Variants in NAA50 observed in about 807,000 individuals in gnomAD.
The protein encoded by NAA50 is N-alpha-acetyltransferase 50, NatE catalytic subunit.
NAA50 carries 7 observed loss-of-function variants against 20.7 expected under a neutral mutation model. The ratio of observed to expected loss-of-function variants is 0.34; its 90% CI spans 0.19 to 0.63. The LOEUF is 0.63. NAA50 is among the 30% of genes least tolerant of loss of function. NAA50 has a pLI of 0.75. For synonymous variants in NAA50, 54 were observed against 70.6 expected (o/e 0.77, Z 1.18); for missense variants, 111 against 199.1 (o/e 0.56, Z 2.66).
At chr3:113,731,581 T>C (rs1708274157) in intron 1 of NAA50, among the ~76,000 whole-genome samples, 1 of 152,174 alleles carries the variant, frequency 6.6e-6, no homozygotes, top group Admixed American at 6.5e-5. Flanking sequence ...TTTTGGAACA[T>C]TCTCATTACA....
Position 113,720,623 on chromosome 3 carries a change from C to A in NAA50, c.*1137G>T, listed in dbSNP as rs1708123749. 2 of 152,604 alleles carry A rather than the reference C, an allele frequency of 1.3e-5. No homozygotes were observed. Among genetic ancestry groups the A allele is most frequent in the South Asian group, 4.1e-4 (2 of 4,832 alleles). The allele number at this position is 152,604 out of a possible 1,614,324, so 9.5% of individuals were successfully genotyped here. A position where few individuals can be genotyped will look rare whatever the true frequency, so the allele number is the denominator to read the frequency against. On this transcript the variant is annotated 3_prime_UTR_variant, in exon 5 of 5. Transcript: ENST00000240922. ...TGCCTCAAATCCTTAAACTCAATAT[C>A]ACAGGCACTGAGTATAAGCAAATCT...
At chr3:113,728,665 A>G (rs1708231564) in intron 1 of NAA50, among the ~76,000 whole-genome samples, 1 of 152,182 alleles carries the variant, frequency 6.6e-6, no homozygotes, top group Non-Finnish European at 1.5e-5. Flanking sequence ...GCATTTGGTT[A>G]TCTTCTCTAT....
rs577026905 is a variant in NAA50 at position 113,731,423 on chromosome 3, G to T, written c.9-7328C>A. On this transcript the variant is annotated intron_variant, in intron 1 of 4. Transcript: ENST00000240922. ...CTAGACATTTTACATTTAGGTGTAT[G>T]AACTCCCTCTTTCTTAAATCCCCCT... 3.3e-5 allele frequency among the ~76,000 whole-genome samples: 5 copies of T among 152,232 alleles called. No individual in the cohort carries two copies. The South Asian group carries it at 8.3e-4, about 25-fold the overall frequency.
At chr3:113,727,323 A>G (rs1202928155) in intron 1 of NAA50, among the ~76,000 whole-genome samples, 5 of 152,238 alleles carry the variant, frequency 3.3e-5, no homozygotes, top group South Asian at 2.1e-4. Context: ...AAGAACCTAC[A>G]AAGTCAAGCT....
intron 1 of NAA50, chr3:113,741,272 A>G: frequency 2.6e-6 from 1 of 386,466 alleles, no homozygotes. Flanking sequence ...GGGAAATGGC[A>G]ACTGTGCCAC....
chr3:113,727,072 G>A (rs114386263), intron 1 of NAA50, among the ~76,000 whole-genome samples: 2 of 152,190 alleles, frequency 1.3e-5, no homozygotes, highest in South Asian at 2.1e-4. Context: ...GCCTACAGGC[G>A]TGAGCCACTG....
At position 113,721,954 on chromosome 3, in the gene NAA50, T is replaced by C. The variant is rs780689110; in HGVS notation, c.333-17A>G. On this transcript the variant is annotated splice_polypyrimidine_tract_variant and intron_variant, in intron 4 of 4. Coordinates refer to ENST00000240922, the MANE Select transcript of NAA50 (RefSeq NM_025146.4). ...TGGACATGCCTGAGATATAAGAGAGTATCAGAAAAAAAATTAAAATTAAGG... is the reference window on the plus strand; with the variant it reads ...TGGACATGCCTGAGATATAAGAGAGCATCAGAAAAAAAATTAAAATTAAGG... The C allele has an allele frequency of 5.7e-6, 9 of 1,588,868 alleles. 1 individual carries two copies. The highest frequency in any genetic ancestry group is 4.6e-5 in the South Asian group (4 of 87,610).
rs1344569585 is a variant in NAA50, at chr3:113,744,286, A to G, written c.8+1656T>C. 8.6e-5 allele frequency among the ~76,000 whole-genome samples: 13 copies of G among 151,856 alleles called. No individual in the cohort carries two copies. The East Asian group carries it at 2.5e-3, about 29-fold the overall frequency. On this transcript the variant is annotated intron_variant, in intron 1 of 4. Coordinates refer to ENST00000240922, the MANE Select transcript of NAA50 (RefSeq NM_025146.4). ...AGACCAGCCTGGCCAACATAGTCAG[A>G]CCCCCGTCTCTACAAAATATACAAA... is the stretch of plus-strand genomic sequence containing the variant.
At chr3:113,728,789 T>C (rs1157707543) in intron 1 of NAA50, among the ~76,000 whole-genome samples, 2 of 152,188 alleles carry the variant, frequency 1.3e-5, no homozygotes, top group Non-Finnish European at 2.9e-5. Flanking sequence ...CATTCCTAGA[T>C]CCAAGCAATC....
intron 1 of NAA50, among the ~76,000 whole-genome samples, chr3:113,728,368 G>GTTTA (rs553365630): frequency 1.2e-4 from 18 of 152,270 alleles, no homozygotes; most frequent in East Asian, 9.6e-4. Flanking sequence ...ATGCAAAGGT[G>GTTTA]TTTACATCTG....
chr3:113,723,972 C>T lies in NAA50; in HGVS notation c.132G>A (p.Glu44=), dbSNP rs1263158263. 1 of 1,583,612 alleles carries T rather than the reference C, an allele frequency of 6.3e-7. No homozygotes were observed. The highest frequency in any genetic ancestry group is 8.6e-7 in the Non-Finnish European group (1 of 1,168,428). ...KFYKDVLEVG[E]LAKLAYFNDI... is the part of the protein sequence containing the mutation. ...ACTATATTATACCAAGTTTTGCTAG[C>T]TCGCCAACCTCCAGCACATCCTTGT... Residue 44 remains glutamate (E), a synonymous_variant, in exon 2 of 5, where the codon GAG becomes GAA. Coordinates refer to ENST00000240922, the MANE Select transcript of NAA50 (RefSeq NM_025146.4).
chr3:113,723,667 A>G (rs1031481441), intron 2 of NAA50, 126 bp from the exon 3 acceptor site: 16 of 1,157,832 alleles, frequency 1.4e-5, no homozygotes, highest in African/African-American at 1.5e-5. Flanking sequence ...ATGAATATCA[A>G]TGATCTCAAA....
In NAA50 at chr3:113,724,140, T is replaced by C. The variant is rs369860657; in HGVS notation, c.9-45A>G. Reference sequence around the variant, plus strand: ...ACTCAATAAAACATAATTAGCCCCATTTGTTAATATGAACATATGAAAGGG... The same window carrying C: ...ACTCAATAAAACATAATTAGCCCCACTTGTTAATATGAACATATGAAAGGG... On this transcript the variant is annotated intron_variant, in intron 1 of 4. Transcript: ENST00000240922. 4.8e-4 allele frequency: 693 copies of C among 1,457,256 alleles called. 1 individual carries two copies. The highest frequency in any genetic ancestry group is 6.0e-4 in the Non-Finnish European group (660 of 1,093,512). The allele number at this position is 1,457,256 out of a possible 1,614,324, so 90.3% of individuals were successfully genotyped here. A position where few individuals can be genotyped will look rare whatever the true frequency, so the allele number is the denominator to read the frequency against.
rs534606203 is a variant in NAA50, at chr3:113,725,855, A to G, written c.9-1760T>C. 2.0e-5 allele frequency among the ~76,000 whole-genome samples: 3 copies of G among 152,352 alleles called. No individual in the cohort carries two copies. In the South Asian group the frequency reaches 6.2e-4, roughly 32 times the overall value. On this transcript the variant is annotated intron_variant, in intron 1 of 4. Coordinates refer to ENST00000240922, the MANE Select transcript of NAA50 (RefSeq NM_025146.4). ...GGAATATGATGTAATATTTTATCTTATAGTACAAAGTTCTCTAAGATGTAT... is the reference window on the plus strand; with the variant it reads ...GGAATATGATGTAATATTTTATCTTGTAGTACAAAGTTCTCTAAGATGTAT...
chr3:113,731,494 C>T (rs1442407265), intron 1 of NAA50, among the ~76,000 whole-genome samples: 1 of 147,698 alleles, frequency 6.8e-6, no homozygotes, highest in Admixed American at 6.7e-5. Flanking sequence ...AATTTATATA[C>T]CATAAAAGCC....
At position 113,724,063 on chromosome 3, in the gene NAA50, T is replaced by C; in HGVS notation, c.41A>G (p.His14Arg). 1 of 1,601,830 alleles carries C rather than the reference T, an allele frequency of 6.2e-7. No individual in the cohort carries two copies. The highest frequency in any genetic ancestry group is 8.5e-7 in the Non-Finnish European group (1 of 1,174,134). The change falls in exon 2 of 5, where the codon CAC (histidine) becomes CGC (arginine). Residue 14 changes from histidine (H) to arginine (R), a missense_variant. Physicochemically the swap from His to Arg is conservative, Grantham distance 29. Coordinates refer to ENST00000240922, the MANE Select transcript of NAA50 (RefSeq NM_025146.4). The stretch of plus-strand genomic sequence containing the variant: ...CAATCTTTTCAACTGTTTAATATTG[T>C]GTGGTGTCACATCTCCCAGCTCGAT... ...SRIELGDVTP[H>R]NIKQLKRLNQ...
rs765612399 is a variant in NAA50, at chr3:113,721,944, T to C, written c.333-7A>G. The stretch of plus-strand genomic sequence containing the variant: ...ATTGCTGATCTGGACATGCCTGAGA[T>C]ATAAGAGAGTATCAGAAAAAAAATT... On this transcript the variant is annotated splice_region_variant and splice_polypyrimidine_tract_variant and intron_variant, in intron 4 of 4. Coordinates refer to ENST00000240922, the MANE Select transcript of NAA50 (RefSeq NM_025146.4). 34 of 1,596,962 alleles carry C rather than the reference T, an allele frequency of 2.1e-5. No homozygotes were observed. Among genetic ancestry groups the C allele is most frequent in the African/African-American group, 6.8e-5 (5 of 73,276 alleles).
chr3:113,721,576 A>T lies in NAA50; in HGVS notation c.*184T>A, dbSNP rs539248152. ...AAAAATAAGAGAAAACAATTCAAAC[A>T]TGATTATTTTTTTAAAGTCCTTGAA... On this transcript the variant is annotated 3_prime_UTR_variant, in exon 5 of 5. Coordinates refer to ENST00000240922, the MANE Select transcript of NAA50 (RefSeq NM_025146.4). The T allele has an allele frequency of 3.1e-6, 2 of 647,134 alleles. No homozygotes were observed. Among genetic ancestry groups the T allele is most frequent in the Non-Finnish European group, 5.2e-6 (2 of 381,634 alleles). 40.1% of individuals were successfully genotyped at this position (647,134 alleles called of 1,614,324 possible).
chr3:113,725,028 A>G (rs1285729580), intron 1 of NAA50, among the ~76,000 whole-genome samples: 1 of 152,216 alleles, frequency 6.6e-6, no homozygotes, highest in African/African-American at 2.4e-5. Context: ...TATTAGCAGC[A>G]TGAGAAAGGA....
Sources: gnomAD v4.1 joint callset for allele counts (sites outside exome capture counted in the v4.1 genomes callset) on GRCh38, gnomAD v4.1.1 for gene constraint, MANE v1.5 for transcripts, NCBI Gene and HGNC (gene_info 2026-07-23, HGNC 2026-07-21) for gene names.